TRPC4: variants seen among roughly 807,000 people sequenced by gnomAD.
TRPC4 encodes transient receptor potential cation channel subfamily C member 4, also known as short transient receptor potential channel 4.
A neutral mutation model predicts 99.4 loss-of-function variants in TRPC4; 49 were observed. The ratio of observed to expected loss-of-function variants is 0.49; its 90% CI spans 0.39 to 0.63. The LOEUF is 0.63. Among genes scored for constraint, TRPC4 ranks in the 20% least tolerant of loss-of-function variants. TRPC4 has a pLI of 0.00. For synonymous variants in TRPC4, 454 were observed against 425.9 expected, an observed-to-expected ratio of 1.07 and a Z score of -0.81; for missense variants, 898 against 1,152.9, an observed-to-expected ratio of 0.78 and a Z score of 3.20.
At chr13:37,692,371 A>C in intron 3 of TRPC4, 36 bp from the exon 4 acceptor site, 1 of 1,565,232 alleles carries the variant, frequency 6.4e-7, no homozygotes, top group Non-Finnish European at 8.7e-7. Context: ...AAAATAAGTC[A>C]CAGTTACATG....
Position 37,754,692 on chromosome 13 carries a change from A to G in TRPC4, c.379-8237T>C, listed in dbSNP as rs73458376. On this transcript the variant is annotated intron_variant, in intron 2 of 10. Transcript: ENST00000379705. Reference sequence around the variant, plus strand: ...ATCCCCCTGTTTTTTGTATTGTGTAACTAACCATAAGGTTGCTTTGGCTTT... The same window carrying G: ...ATCCCCCTGTTTTTTGTATTGTGTAGCTAACCATAAGGTTGCTTTGGCTTT... 9.2e-3 allele frequency among the ~76,000 whole-genome samples: 1,394 copies of G among 152,244 alleles called. 13 individuals carry two copies. The highest frequency in any genetic ancestry group is 0.032 in the African/African-American group (1,332 of 41,570).
chr13:37,721,783 A>G (rs984224123), intron 3 of TRPC4, among the ~76,000 whole-genome samples: 3 of 151,978 alleles, frequency 2.0e-5, no homozygotes, highest in Non-Finnish European at 2.9e-5. Context: ...AGGCGATTTT[A>G]TTTATTTTTT....
chr13:37,653,728 TTAAA>T (rs1326883155), intron 7 of TRPC4, among the ~76,000 whole-genome samples: 3 of 152,178 alleles, frequency 2.0e-5, no homozygotes, highest in African/African-American at 7.2e-5. Context: ...CATAATATTC[TTAAA>T]TAGTGTTTTC....
At chr13:37,657,268 G>A (rs1445233324) in intron 6 of TRPC4, among the ~76,000 whole-genome samples, 4 of 152,182 alleles carry the variant, frequency 2.6e-5, no homozygotes, top group African/African-American at 9.7e-5. Context: ...TGCATTCTAC[G>A]AGGAGGTGAT....
chr13:37,703,681 A>T (rs1458425717), intron 3 of TRPC4, among the ~76,000 whole-genome samples: 2 of 152,200 alleles, frequency 1.3e-5, no homozygotes, highest in East Asian at 3.8e-4. Flanking sequence ...TATCTAATTA[A>T]AACATATGTT....
intron 8 of TRPC4, among the ~76,000 whole-genome samples, chr13:37,648,842 T>A (rs973902428): frequency 1.3e-5 from 2 of 152,214 alleles, no homozygotes; most frequent in Non-Finnish European, 2.9e-5. Flanking sequence ...AAGTTTTTGG[T>A]CTGGTTCTCC....
chr13:37,861,399 C>A (rs1447528563), intron 1 of TRPC4, among the ~76,000 whole-genome samples: 5 of 151,448 alleles, frequency 3.3e-5, no homozygotes, highest in African/African-American at 9.7e-5. Context: ...TACAATATTT[C>A]AATTACAGCA....
At chr13:37,814,782 A>T (rs1417663974) in intron 1 of TRPC4, among the ~76,000 whole-genome samples, 1 of 151,866 alleles carries the variant, frequency 6.6e-6, no homozygotes, top group Non-Finnish European at 1.5e-5. Context: ...ATTTAATGCC[A>T]TCCTTATCAA....
chr13:37,759,380 G>A (rs1013016095), intron 2 of TRPC4, among the ~76,000 whole-genome samples: 1 of 151,656 alleles, frequency 6.6e-6, no homozygotes, highest in Non-Finnish European at 1.5e-5. Flanking sequence ...TGTAAACACA[G>A]AATGAAAAAC....
At chr13:37,831,473 T>C (rs1412555511) in intron 1 of TRPC4, among the ~76,000 whole-genome samples, 2 of 152,166 alleles carry the variant, frequency 1.3e-5, no homozygotes, top group Non-Finnish European at 2.9e-5. Context: ...GAATATAGTA[T>C]GGAGGTTCGA....
chr13:37,750,826 G>A (rs1221429934), intron 2 of TRPC4, among the ~76,000 whole-genome samples: 1 of 151,820 alleles, frequency 6.6e-6, no homozygotes. Context: ...AGGCCCCGGT[G>A]TGTGATGTAC....
chr13:37,854,392 C>A (rs138523387), intron 1 of TRPC4, among the ~76,000 whole-genome samples: 20 of 152,036 alleles, frequency 1.3e-4, no homozygotes. Context: ...TGAGGGATTT[C>A]ATCAATACCA....
intron 8 of TRPC4, among the ~76,000 whole-genome samples, chr13:37,647,397 A>G (rs1398879326): frequency 6.6e-6 from 1 of 152,228 alleles, no homozygotes; most frequent in African/African-American, 2.4e-5. Context: ...CCTGGTAAAC[A>G]AGGGATTCGG....
chr13:37,857,159 A>G (rs1380005114), intron 1 of TRPC4, among the ~76,000 whole-genome samples: 1 of 151,674 alleles, frequency 6.6e-6, no homozygotes, highest in East Asian at 1.9e-4. Flanking sequence ...AGAAATAAAA[A>G]GTAATCCCAT....
chr13:37,661,183 A>G (rs1272598514), intron 6 of TRPC4, among the ~76,000 whole-genome samples: 2 of 152,236 alleles, frequency 1.3e-5, no homozygotes, highest in African/African-American at 4.8e-5. Context: ...GAGACAAACG[A>G]AAGTAATACA....
chr13:37,866,678 A>G (rs1959766071), intron 1 of TRPC4, among the ~76,000 whole-genome samples: 1 of 151,808 alleles, frequency 6.6e-6, no homozygotes, highest in Non-Finnish European at 1.5e-5. Flanking sequence ...TGATCAAAAT[A>G]TTCTCAAATC....
intron 1 of TRPC4, among the ~76,000 whole-genome samples, chr13:37,802,245 G>GT (rs1957424921): frequency 6.6e-6 from 1 of 152,010 alleles, no homozygotes. Context: ...TAGGAAATTA[G>GT]TTTTGGTAAA....
chr13:37,806,875 C>T (rs985198290), intron 1 of TRPC4, among the ~76,000 whole-genome samples: 3 of 151,960 alleles, frequency 2.0e-5, no homozygotes, highest in Non-Finnish European at 2.9e-5. Context: ...CCACAGTGGG[C>T]GCTGTCTCCT....
At chr13:37,828,335 C>T (rs983128344) in intron 1 of TRPC4, among the ~76,000 whole-genome samples, 3 of 152,188 alleles carry the variant, frequency 2.0e-5, no homozygotes, top group African/African-American at 7.2e-5. Context: ...CAAAAAATAA[C>T]AGATGCTGGC....
Sources: gnomAD v4.1 joint callset for allele counts (sites outside exome capture counted in the v4.1 genomes callset) on GRCh38, gnomAD v4.1.1 for gene constraint, MANE v1.5 for transcripts, NCBI Gene and HGNC (gene_info 2026-07-23, HGNC 2026-07-21) for gene names.